The following ADAMTS17 variants were observed in gnomAD, a reference collection of about 807,000 sequenced individuals.
ADAMTS17 encodes A disintegrin and metalloproteinase with thrombospondin motifs 17.
Under a neutral mutation model 141.5 loss-of-function variants are expected in ADAMTS17, and 113 were observed. The observed-to-expected ratio is 0.80, with a 90% CI of 0.69 to 0.93. ADAMTS17 has a LOEUF of 0.93. Among genes scored for constraint, ADAMTS17 ranks in the 40% least tolerant of loss-of-function variants. The pLI is 0.00. For missense variants in ADAMTS17, 1,659 were observed against 1,517.9 expected (o/e 1.09, Z -1.54); for synonymous variants, 768 against 630.6 (o/e 1.22, Z -3.27).
chr15:100,148,146 C>T (rs2038996197), intron 10 of ADAMTS17, among the ~76,000 whole-genome samples: 1 of 152,268 alleles, frequency 6.6e-6, no homozygotes, highest in Non-Finnish European at 1.5e-5. Flanking sequence ...TACTTAGCCA[C>T]ACTGGCAAAG....
chr15:100,009,728 T>C (rs2061120088), intron 18 of ADAMTS17, among the ~76,000 whole-genome samples: 1 of 152,246 alleles, frequency 6.6e-6, no homozygotes, highest in South Asian at 2.1e-4. Context: ...CCCTCTGGAA[T>C]GGACAGTCTA....
In ADAMTS17 at chr15:100,158,343, G is replaced by T. The variant is rs564065535; in HGVS notation, c.1182-3023C>A. 1.1e-4 allele frequency among the ~76,000 whole-genome samples: 16 copies of T among 152,208 alleles called. No homozygotes were observed. The South Asian group carries it at 3.3e-3, about 32-fold the overall frequency. On this transcript the variant is annotated intron_variant, in intron 8 of 21. Coordinates refer to ENST00000268070, the MANE Select transcript of ADAMTS17 (RefSeq NM_139057.4). ...AAAAAATCCTGTTACAAATAAAAAA[G>T]ATTTTAAAAATATATTCATCCTTGG...
Position 100,330,905 on chromosome 15 carries a change from G to C in ADAMTS17, c.600C>G (p.Leu200=). The change falls in exon 3 of 22, where the codon CTC becomes CTG. Residue 200 remains leucine, a synonymous_variant. Coordinates refer to ENST00000268070, the MANE Select transcript of ADAMTS17 (RefSeq NM_139057.4). ...CCGACTCACCTGTTAGAACCTTGCA[G>C]AGCTGCTCAGGTCTCTGGGCCTCAG... ...PSAEAQRPEQ[L]CKVLTEKKKP... The C allele has an allele frequency of 6.2e-7, 1 of 1,614,184 alleles. No individual in the cohort carries two copies. Among genetic ancestry groups the C allele is most frequent in the Non-Finnish European group, 8.5e-7 (1 of 1,180,034 alleles).
At chr15:100,038,428 T>C (rs1039825811) in intron 18 of ADAMTS17, among the ~76,000 whole-genome samples, 1 of 152,212 alleles carries the variant, frequency 6.6e-6, no homozygotes, top group Admixed American at 6.5e-5. Flanking sequence ...TTGATAGAGA[T>C]TGCACTAAAT....
chr15:100,116,217 C>G (rs1483559643), intron 13 of ADAMTS17, among the ~76,000 whole-genome samples: 6 of 148,290 alleles, frequency 4.0e-5, no homozygotes. Context: ...ATTAATTAAG[C>G]AGACATTACA....
intron 10 of ADAMTS17, among the ~76,000 whole-genome samples, chr15:100,142,231 T>A (rs956440716): frequency 6.6e-6 from 1 of 152,154 alleles, no homozygotes; most frequent in African/African-American, 2.4e-5. Context: ...AGGTAGAATT[T>A]TGTCACCCCA....
chr15:100,337,520 C>T (rs1414327578), intron 2 of ADAMTS17, among the ~76,000 whole-genome samples: 2 of 152,222 alleles, frequency 1.3e-5, no homozygotes, highest in Non-Finnish European at 2.9e-5. Context: ...TCAAGGTGAC[C>T]TGGAACGCGG....
intron 6 of ADAMTS17, among the ~76,000 whole-genome samples, chr15:100,259,526 G>A (rs1217721693): frequency 6.6e-6 from 1 of 152,222 alleles, no homozygotes; most frequent in Non-Finnish European, 1.5e-5. Flanking sequence ...GCATGGGCCA[G>A]GTCATGTTCA....
chr15:100,181,932 T>C (rs1459647401), intron 8 of ADAMTS17, among the ~76,000 whole-genome samples: 1 of 152,102 alleles, frequency 6.6e-6, no homozygotes, highest in Non-Finnish European at 1.5e-5. Flanking sequence ...GCCTTTCACG[T>C]TTATTTAGAA....
At chr15:100,044,807 ATT>A (rs60017895) in intron 18 of ADAMTS17, among the ~76,000 whole-genome samples, 37,838 of 138,042 alleles carry the variant, frequency 0.27, 4,965 homozygotes, top group East Asian at 0.49. Flanking sequence ...TATAATTTGG[ATT>A]TTTTTTTTTT....
chr15:100,301,721 C>T lies in ADAMTS17; in HGVS notation c.617-20320G>A, dbSNP rs560859405. On this transcript the variant is annotated intron_variant, in intron 3 of 21. Transcript: ENST00000268070. ...TTATCTTTACCATCTTAAGAAACAA[C>T]CTTTACTCTACAGTTTTCTGATTAT... Among the ~76,000 whole-genome samples the T allele has an allele frequency of 3.3e-5, 5 of 152,200 alleles. No homozygotes were observed. In the Middle Eastern group the frequency reaches 0.01, roughly 311 times the overall value.
At chr15:100,210,341 T>G (rs2041760306) in intron 7 of ADAMTS17, among the ~76,000 whole-genome samples, 1 of 151,382 alleles carries the variant, frequency 6.6e-6, no homozygotes, top group Non-Finnish European at 1.5e-5. Context: ...ACTTACTATG[T>G]GTGTACCAGG....
chr15:100,285,353 C>T (rs539165436), intron 3 of ADAMTS17, among the ~76,000 whole-genome samples: 2 of 152,276 alleles, frequency 1.3e-5, no homozygotes, highest in East Asian at 3.9e-4. Context: ...GTTACTAGTT[C>T]TCCACTTTGA....
intron 19 of ADAMTS17, among the ~76,000 whole-genome samples, chr15:99,994,023 C>G (rs1295136204): frequency 6.6e-6 from 1 of 152,122 alleles, no homozygotes; most frequent in Non-Finnish European, 1.5e-5. Flanking sequence ...GGAGCCTGCT[C>G]CTGACACGCC....
intron 7 of ADAMTS17, among the ~76,000 whole-genome samples, chr15:100,248,942 G>A (rs887641906): frequency 1.3e-5 from 2 of 152,036 alleles, no homozygotes; most frequent in Non-Finnish European, 2.9e-5. Flanking sequence ...GGCATTACAG[G>A]TGCCCGCCAC....
intron 8 of ADAMTS17, among the ~76,000 whole-genome samples, chr15:100,166,523 T>TA (rs11398236): frequency 0.11 from 16,766 of 152,266 alleles, 1,205 homozygotes; most frequent in East Asian, 0.31. Context: ...AGATTACTCA[T>TA]AGGTAGGTAA....
chr15:100,046,166 C>T (rs1238376518), intron 18 of ADAMTS17, among the ~76,000 whole-genome samples: 1 of 152,158 alleles, frequency 6.6e-6, no homozygotes, highest in African/African-American at 2.4e-5. Context: ...CAGGTGTGTG[C>T]CCCCTCACCT....
At chr15:100,162,860 G>A (rs180933096) in intron 8 of ADAMTS17, among the ~76,000 whole-genome samples, 8 of 142,078 alleles carry the variant, frequency 5.6e-5, no homozygotes, top group African/African-American at 2.1e-4. Context: ...ATATATCTGT[G>A]TATATATATA....
chr15:100,063,842 C>T (rs1370564227), intron 15 of ADAMTS17: 1 of 983,554 alleles, frequency 1.0e-6, no homozygotes, highest in Non-Finnish European at 1.4e-6. Context: ...CAAAATCTAG[C>T]TACCAAGCCC....
Sources: gnomAD v4.1 joint callset for allele counts (sites outside exome capture counted in the v4.1 genomes callset) on GRCh38, gnomAD v4.1.1 for gene constraint, MANE v1.5 for transcripts, NCBI Gene and HGNC (gene_info 2026-07-23, HGNC 2026-07-21) for gene names.